Variants in EML1 observed in about 807,000 individuals in gnomAD.
EML1 encodes EMAP like 1.
Under a neutral mutation model 110.4 loss-of-function variants are expected in EML1, and 27 were observed. That is an observed-to-expected ratio of 0.24 (90% CI 0.18 to 0.34). The LOEUF (loss-of-function observed/expected upper bound fraction) is 0.34, where lower values mean the gene tolerates loss of function less well. Among genes scored for constraint, EML1 ranks in the 10% least tolerant of loss-of-function variants. The pLI is 1.00. For synonymous variants in EML1, 344 were observed against 385.8 expected (o/e 0.89, Z 1.27); for missense variants, 741 against 1,030.9 (o/e 0.72, Z 3.85).
At chr14:99,921,363 T>G (rs1406442933) in intron 17 of EML1, among the ~76,000 whole-genome samples, 1 of 152,204 alleles carries the variant, frequency 6.6e-6, no homozygotes, top group Non-Finnish European at 1.5e-5. Flanking sequence ...TGCTATTGTA[T>G]TCACTACTTT....
chr14:99,931,534 G>A lies in EML1; in HGVS notation c.1910-4495G>A, dbSNP rs530850010. Reference sequence around the variant, plus strand: ...TGGACTCTTGCTCCCGTGGCTTTATGAGTTCTCCAGCTGATTTTCATTTTG... The same window carrying A: ...TGGACTCTTGCTCCCGTGGCTTTATAAGTTCTCCAGCTGATTTTCATTTTG... On this transcript the variant is annotated intron_variant, in intron 17 of 21. Transcript: ENST00000262233. Among the ~76,000 whole-genome samples the A allele has an allele frequency of 5.9e-5, 9 of 152,300 alleles. No individual in the cohort carries two copies. The East Asian group carries it at 1.7e-3, about 29-fold the overall frequency.
chr14:99,806,412 G>C (rs527622574), intron 1 of EML1, among the ~76,000 whole-genome samples: 5 of 150,356 alleles, frequency 3.3e-5, no homozygotes, highest in Admixed American at 2.0e-4. Context: ...TGCCTCCCGG[G>C]TTCAAGCGAT....
chr14:99,899,115 A>G (rs1174135170), intron 8 of EML1, among the ~76,000 whole-genome samples: 5 of 152,142 alleles, frequency 3.3e-5, no homozygotes, highest in Non-Finnish European at 7.3e-5. Flanking sequence ...TTGCATTTTA[A>G]GGCGTTAGAG....
At chr14:99,924,048 C>T (rs1444318117) in intron 17 of EML1, among the ~76,000 whole-genome samples, 1 of 152,202 alleles carries the variant, frequency 6.6e-6, no homozygotes, top group Non-Finnish European at 1.5e-5. Flanking sequence ...GCCACCTGGA[C>T]AATAGTGGCT....
intron 1 of EML1, among the ~76,000 whole-genome samples, chr14:99,823,016 G>A (rs537220585): frequency 6.6e-6 from 1 of 152,230 alleles, no homozygotes; most frequent in South Asian, 2.1e-4. Flanking sequence ...GCTTTGACAA[G>A]TGTGGGTTCC....
intron 1 of EML1, among the ~76,000 whole-genome samples, chr14:99,761,924 C>A (rs1187833213): frequency 3.5e-3 from 451 of 127,276 alleles, no homozygotes; most frequent in Middle Eastern, 4.0e-3. Flanking sequence ...GACTCTGTCT[C>A]AAAAAAAAAA....
rs180958021 is a variant in EML1, at chr14:99,747,360, G to T, written c.28+9500G>T. On this transcript the variant is annotated intron_variant, in intron 1 of 10. Transcript: ENST00000554479. ...TGGCCCAGGAGAAAGGCAGGCCCGG[G>T]GTGGCACAGATCGGCTCCAGATGTA... 5.9e-3 allele frequency among the ~76,000 whole-genome samples: 894 copies of T among 152,192 alleles called. 12 individuals carry two copies. Among genetic ancestry groups the T allele is most frequent in the African/African-American group, 0.02 (818 of 41,526 alleles).
chr14:99,835,101 C>T (rs1484296865), intron 1 of EML1, among the ~76,000 whole-genome samples: 2 of 152,122 alleles, frequency 1.3e-5, no homozygotes, highest in Admixed American at 6.5e-5. Context: ...GGATTACAGG[C>T]GTGAGCCACC....
intron 3 of EML1, chr14:99,875,072 C>A: frequency 1.5e-6 from 2 of 1,291,822 alleles, no homozygotes; most frequent in South Asian, 2.5e-5. Context: ...GCTTCAAGGT[C>A]TTGTCCAGTG....
chr14:99,901,391 G>A (rs927878101), intron 9 of EML1, among the ~76,000 whole-genome samples: 1 of 152,166 alleles, frequency 6.6e-6, no homozygotes, highest in East Asian at 1.9e-4. Flanking sequence ...CTGCCATCCT[G>A]CTACTGGAAA....
intron 1 of EML1, among the ~76,000 whole-genome samples, chr14:99,824,774 C>A (rs555048616): frequency 6.0e-4 from 91 of 152,190 alleles, no homozygotes; most frequent in African/African-American, 2.0e-3. Context: ...CTCCCCCCTC[C>A]TACCCTCCAC....
intron 3 of EML1, among the ~76,000 whole-genome samples, chr14:99,867,066 A>G (rs2059115059): frequency 6.6e-6 from 1 of 151,862 alleles, no homozygotes; most frequent in Non-Finnish European, 1.5e-5. Flanking sequence ...AAGTTTTTCA[A>G]CCCTTACCCA....
At chr14:99,778,734 G>A (rs2057509081) in intron 1 of EML1, among the ~76,000 whole-genome samples, 1 of 152,138 alleles carries the variant, frequency 6.6e-6, no homozygotes, top group Non-Finnish European at 1.5e-5. Context: ...ATGATTTGAT[G>A]GTGTGTCTGG....
At chr14:99,881,563 A>C (rs529515337) in intron 4 of EML1, among the ~76,000 whole-genome samples, 1 of 151,772 alleles carries the variant, frequency 6.6e-6, no homozygotes, top group East Asian at 1.9e-4. Flanking sequence ...TTTTAAAGTA[A>C]TTACATGTTT....
At chr14:99,910,407 C>A in intron 12 of EML1, 66 bp downstream of exon 12, 1 of 1,283,204 alleles carries the variant, frequency 7.8e-7, no homozygotes, top group Non-Finnish European at 1.1e-6. Context: ...AACATGAGTG[C>A]TTTAAGAATT....
At position 99,937,569 on chromosome 14, in the gene EML1, A is replaced by G. The variant is rs560490414; in HGVS notation, c.2096-248A>G. ...GGCTAGAGAAGCCAGACTGTGGGAA[A>G]CAGACTTGGACGGAGATGGGAAAAA... On this transcript the variant is annotated intron_variant, in intron 19 of 21. Coordinates refer to ENST00000262233, the MANE Select transcript of EML1 (RefSeq NM_004434.3). Among the ~76,000 whole-genome samples the G allele has an allele frequency of 2.0e-5, 3 of 152,144 alleles. No individual in the cohort carries two copies. In the South Asian group the frequency reaches 6.2e-4, roughly 32 times the overall value.
chr14:99,813,034 G>T (rs1483499628), intron 1 of EML1, among the ~76,000 whole-genome samples: 3 of 152,042 alleles, frequency 2.0e-5, no homozygotes, highest in Admixed American at 2.0e-4. Context: ...AATAAATTGG[G>T]TGCCACCCTT....
At chr14:99,761,912 G>A (rs1207947963) in intron 1 of EML1, among the ~76,000 whole-genome samples, 13 of 115,108 alleles carry the variant, frequency 1.1e-4, no homozygotes, top group African/African-American at 4.6e-4. Flanking sequence ...GTGACAGAGT[G>A]AGACTCTGTC....
intron 2 of EML1, among the ~76,000 whole-genome samples, chr14:99,851,596 T>C (rs553065175): frequency 1.3e-5 from 2 of 152,280 alleles, no homozygotes; most frequent in Non-Finnish European, 2.9e-5. Flanking sequence ...CGTGAGCCAC[T>C]GCGCCCGGCC....
Sources: allele counts gnomAD v4.1 joint callset (sites outside exome capture counted in the v4.1 genomes callset), GRCh38; gene constraint gnomAD v4.1.1; transcripts MANE v1.5; gene names NCBI Gene and HGNC (gene_info 2026-07-23, HGNC 2026-07-21).